FSTL4: variants seen among roughly 807,000 people sequenced by gnomAD.
FSTL4 encodes follistatin like 4, also known as follistatin-related protein 4.
A neutral mutation model predicts 78.2 loss-of-function variants in FSTL4; 28 were observed. That is an observed-to-expected ratio of 0.36 (90% CI 0.27 to 0.49). FSTL4 has a LOEUF of 0.49. Ranked by LOEUF, FSTL4 falls within the 20% of genes least tolerant of loss-of-function variation. FSTL4 has a pLI of 0.98. For synonymous variants in FSTL4, 422 were observed against 440.5 expected (o/e 0.96, Z 0.53); for missense variants, 922 against 1,084.9 (o/e 0.85, Z 2.11).
chr5:133,350,893 T>C (rs1754806848), intron 4 of FSTL4, among the ~76,000 whole-genome samples: 2 of 152,206 alleles, frequency 1.3e-5, no homozygotes, highest in Admixed American at 1.3e-4. Context: ...TTCTGCTCCA[T>C]CTGATTGAAA....
At chr5:133,350,812 A>G (rs1754805244) in intron 4 of FSTL4, among the ~76,000 whole-genome samples, 1 of 152,154 alleles carries the variant, frequency 6.6e-6, no homozygotes, top group Admixed American at 6.5e-5. Flanking sequence ...AGGCAGTGAC[A>G]GGGAGGAAAG....
chr5:133,403,099 T>C (rs1450311860), intron 3 of FSTL4, among the ~76,000 whole-genome samples: 1 of 152,246 alleles, frequency 6.6e-6, no homozygotes, highest in Non-Finnish European at 1.5e-5. Flanking sequence ...TGGCGCCTAC[T>C]AGAAGAAACT....
chr5:133,311,619 T>C (rs1242930331), intron 6 of FSTL4, among the ~76,000 whole-genome samples: 3 of 152,122 alleles, frequency 2.0e-5, no homozygotes, highest in African/African-American at 7.2e-5. Flanking sequence ...CCCAAAGAGA[T>C]GTCACTCTGA....
intron 4 of FSTL4, among the ~76,000 whole-genome samples, chr5:133,380,062 CA>C (rs56016350): frequency 0.79 from 115,398 of 145,582 alleles, 44,983 homozygotes; most frequent in Admixed American, 0.84. Flanking sequence ...GACTCTATCT[CA>C]AAAAAAAAAA....
At chr5:133,602,820 T>C (rs550221624) in intron 2 of FSTL4, among the ~76,000 whole-genome samples, 11 of 152,218 alleles carry the variant, frequency 7.2e-5, no homozygotes, top group Non-Finnish European at 1.6e-4. Context: ...TTAAGGCTGG[T>C]AGGTTTGGGA....
intron 6 of FSTL4, among the ~76,000 whole-genome samples, chr5:133,254,031 G>T (rs1752326055): frequency 6.6e-6 from 1 of 152,156 alleles, no homozygotes; most frequent in African/African-American, 2.4e-5. Flanking sequence ...AGAAACACTT[G>T]GACAGATATT....
At chr5:133,678,192 A>G in the FSTL4 span, among the ~76,000 whole-genome samples, 2 of 152,358 alleles carry the variant, frequency 1.3e-5, no homozygotes, top group African/African-American at 4.8e-5. Flanking sequence ...ATACATGTAG[A>G]TGATGTTGGG....
chr5:133,595,749 G>T (rs1349019847), intron 2 of FSTL4, among the ~76,000 whole-genome samples: 2 of 152,218 alleles, frequency 1.3e-5, no homozygotes, highest in Non-Finnish European at 2.9e-5. Flanking sequence ...GGCACCTCAT[G>T]TACCATCTTA....
intron 6 of FSTL4, among the ~76,000 whole-genome samples, chr5:133,299,317 C>G (rs1753477224): frequency 6.6e-6 from 1 of 152,202 alleles, no homozygotes; most frequent in South Asian, 2.1e-4. Flanking sequence ...TCCTTATGTC[C>G]ATTTAATGCT....
chr5:133,344,712 C>T (rs527903290), intron 4 of FSTL4, among the ~76,000 whole-genome samples: 1 of 152,306 alleles, frequency 6.6e-6, no homozygotes, highest in South Asian at 2.1e-4. Context: ...TGAGGTCTTC[C>T]AGTTTCTTCA....
At chr5:133,630,606 C>A in the FSTL4 span, among the ~76,000 whole-genome samples, 2 of 152,174 alleles carry the variant, frequency 1.3e-5, no homozygotes, top group South Asian at 4.1e-4. Context: ...TCCCATCAAG[C>A]TACCACTGAC....
intron 4 of FSTL4, among the ~76,000 whole-genome samples, chr5:133,370,263 G>T (rs915630978): frequency 6.6e-6 from 1 of 152,118 alleles, no homozygotes; most frequent in Middle Eastern, 3.2e-3. Flanking sequence ...TGACAAGGTC[G>T]CTTGGAATAT....
the FSTL4 span, among the ~76,000 whole-genome samples, chr5:133,768,330 C>T: frequency 1.3e-5 from 2 of 152,176 alleles, no homozygotes; most frequent in Non-Finnish European, 2.9e-5. Flanking sequence ...CCACCACCAC[C>T]GGAAGTGTTG....
the FSTL4 span, among the ~76,000 whole-genome samples, chr5:133,757,721 C>T: frequency 7.2e-5 from 11 of 152,096 alleles, no homozygotes; most frequent in Admixed American, 5.2e-4. Context: ...CAGTGAAGAC[C>T]TCAGACAAAG....
the FSTL4 span, among the ~76,000 whole-genome samples, chr5:133,749,610 C>G: frequency 2.6e-5 from 4 of 152,226 alleles, no homozygotes; most frequent in Non-Finnish European, 5.9e-5. Context: ...AACATGTTCA[C>G]ATTTTGCCCT....
At chr5:133,548,438 C>T (rs1259789559) in intron 3 of FSTL4, among the ~76,000 whole-genome samples, 1 of 152,084 alleles carries the variant, frequency 6.6e-6, no homozygotes, top group East Asian at 1.9e-4. Context: ...CACAAAAAGG[C>T]TTTGTCCTAT....
At chr5:133,334,738 G>A (rs1370968929) in intron 4 of FSTL4, among the ~76,000 whole-genome samples, 1 of 152,188 alleles carries the variant, frequency 6.6e-6, no homozygotes, top group Non-Finnish European at 1.5e-5. Flanking sequence ...TGGGGGAGGG[G>A]TGGGAAGGTG....
the FSTL4 span, among the ~76,000 whole-genome samples, chr5:133,765,194 G>C: frequency 9.9e-5 from 15 of 152,178 alleles, no homozygotes; most frequent in African/African-American, 3.4e-4. Flanking sequence ...CTGTAGAATG[G>C]GTAACTATAA....
At chr5:133,670,250 T>G in the FSTL4 span, among the ~76,000 whole-genome samples, 1 of 152,240 alleles carries the variant, frequency 6.6e-6, no homozygotes, top group Non-Finnish European at 1.5e-5. Context: ...GTAAAAGTAC[T>G]GCCAGGCTGG....
Sources: gnomAD v4.1 joint callset for allele counts (sites outside exome capture counted in the v4.1 genomes callset) on GRCh38, gnomAD v4.1.1 for gene constraint, MANE v1.5 for transcripts, NCBI Gene and HGNC (gene_info 2026-07-23, HGNC 2026-07-21) for gene names.